SETD1B: variants seen among roughly 807,000 people sequenced by gnomAD.
SETD1B encodes SET domain containing 1B, histone lysine methyltransferase.
Under a neutral mutation model 148.0 loss-of-function variants are expected in SETD1B, and 7 were observed. The observed-to-expected ratio is 0.05, with a 90% confidence interval of 0.03 to 0.09. The LOEUF (loss-of-function observed/expected upper bound fraction) is 0.09. Among genes scored for constraint, SETD1B ranks in the 10% least tolerant of loss-of-function variants. SETD1B has a pLI of 1.00. For missense variants in SETD1B, 2,155 were observed against 2,729.9 expected, an observed-to-expected ratio of 0.79 and a Z score of 4.69; for synonymous variants, 1,361 against 1,186.5, an observed-to-expected ratio of 1.15 and a Z score of -3.02.
intron 10 of SETD1B, among the ~76,000 whole-genome samples, chr12:121,818,434 G>T (rs1876403509): frequency 6.6e-6 from 1 of 151,812 alleles, no homozygotes. Context: ...GTGGTGGTGG[G>T]CACCTGTAAT....
In SETD1B at chr12:121,830,889, A is replaced by G. The variant is rs1877063391; in HGVS notation, c.*650A>G. 6.6e-6 allele frequency: 1 copy of G among 152,482 alleles called. No homozygotes were observed. Among genetic ancestry groups the G allele is most frequent in the Non-Finnish European group, 1.5e-5 (1 of 68,302 alleles). The allele number at this position is 152,482 out of a possible 1,614,324, so 9.4% of individuals were successfully genotyped here. A position where few individuals can be genotyped will look rare whatever the true frequency, so the allele number is the denominator to read the frequency against. The stretch of plus-strand genomic sequence containing the variant: ...CCACACCTTTCCCCACCCGAGCTGC[A>G]GCCTGTTCCTTCCCCAGAGGCCTGG... On this transcript the variant is annotated 3_prime_UTR_variant, in exon 17 of 17. Transcript: ENST00000604567. The surrounding 1 kb of genome is among the most constrained non-coding windows in gnomAD (Gnocchi z 5.7).
At position 121,814,423 on chromosome 12, in the gene SETD1B, C is replaced by T. The variant is rs1876187453; in HGVS notation, c.2208C>T (p.Val736=). 1.5e-6 allele frequency: 2 copies of T among 1,336,538 alleles called. No homozygotes were observed. The highest frequency in any genetic ancestry group is 2.6e-5 in the East Asian group (1 of 37,944). The allele number at this position is 1,336,538 out of a possible 1,614,324, so 82.8% of individuals were successfully genotyped here. The part of the protein sequence containing the change: ...PPPPLPAPPG[V]PPPPILPPLP... ...CACCCTTGCCAGCGCCGCCTGGAGT[C>T]CCGCCCCCACCCATCCTGCCACCAC... The change falls in exon 7 of 17, where the codon GTC becomes GTT. Residue 736 remains valine (V), a synonymous_variant. Coordinates refer to ENST00000604567, the MANE Select transcript of SETD1B (RefSeq NM_001353345.2).
chr12:121,810,158 G>A lies in SETD1B; in HGVS notation c.1213G>A (p.Ala405Thr), dbSNP rs1182973417. Residue 405 changes from alanine (A) to threonine (T), a missense_variant, in exon 6 of 17, where the codon GCC becomes ACC. Transcript: ENST00000604567. The surrounding 1 kb of genome is among the most constrained non-coding windows in gnomAD (Gnocchi z 7.6). ...SAFSPYQTPV[A>T]HFPPPPEEPT... ...TTTCTCTCCGTATCAGACCCCAGTG[G>A]CCCACTTCCCTCCACCCCCGGAAGA... The A allele has an allele frequency of 5.8e-6, 9 of 1,549,728 alleles. No homozygotes were observed. The Admixed American group carries it at 7.8e-5, about 14-fold the overall frequency.
At position 121,805,811 on chromosome 12, in the gene SETD1B, CCCTT is replaced by C; in HGVS notation, c.274-21_274-18del. 6.5e-7 allele frequency: 1 copy of C among 1,545,986 alleles called. No individual in the cohort carries two copies. The highest frequency in any genetic ancestry group is 8.7e-7 in the Non-Finnish European group (1 of 1,143,246). ...CTTAGGTTTAAACGTTCTTCAAACT[CCCTT>C]CCCCCTCGGCCCCTGCCAGATCGAT... On this transcript the variant is annotated intron_variant, in intron 3 of 16. Transcript: ENST00000604567. The surrounding 1 kb of genome is among the most constrained non-coding windows in gnomAD (Gnocchi z 4.2).
In SETD1B at chr12:121,810,159, C is replaced by G. The variant is rs775141237; in HGVS notation, c.1214C>G (p.Ala405Gly). Residue 405 changes from alanine (A) to glycine (G), a missense_variant, in exon 6 of 17, where the codon GCC becomes GGC. This residue lies in a region of SETD1B where 376 missense variants were observed against 385.0 expected (regional missense o/e 0.98). Transcript: ENST00000604567. The surrounding 1 kb of genome is among the most constrained non-coding windows in gnomAD (Gnocchi z 7.6). ...SAFSPYQTPV[A>G]HFPPPPEEPT... ...TTCTCTCCGTATCAGACCCCAGTGG[C>G]CCACTTCCCTCCACCCCCGGAAGAG... 3 of 1,549,948 alleles carry G rather than the reference C, an allele frequency of 1.9e-6. No individual in the cohort carries two copies. Among genetic ancestry groups the G allele is most frequent in the Middle Eastern group, 3.3e-4 (2 of 5,992 alleles).
the SETD1B span, chr12:121,794,100 G>C: frequency 5.6e-4 from 90 of 160,180 alleles, 1 homozygote; most frequent in South Asian, 0.015. Flanking sequence ...CCAGCTCCGG[G>C]AAGAGCCCCT....
At chr12:121,806,668 G>T (rs1875759513) in intron 4 of SETD1B, among the ~76,000 whole-genome samples, 1 of 152,334 alleles carries the variant, frequency 6.6e-6, no homozygotes, top group South Asian at 2.1e-4. Flanking sequence ...GGGAAGAGCA[G>T]AGCCGGGAAG....
Position 121,814,275 on chromosome 12 carries a change from TCCCCCCGCTGCCCCCCCCACCACCACCAC to T in SETD1B, c.2065_2093del (p.Pro689ThrfsTer143). ...CTGCCGCTGCCCCCGCCACCTGGCT[TCCCCCCGCTGCCCCCCCCACCACCACCAC>T]CCCCACCGCAGCCTGGCTTCCCCAT... On this transcript the variant is annotated frameshift_variant, in exon 7 of 17. Coordinates refer to ENST00000604567, the MANE Select transcript of SETD1B (RefSeq NM_001353345.2). LOFTEE classifies it high-confidence loss of function. 1.0e-6 allele frequency: 1 copy of T among 963,032 alleles called. No individual in the cohort carries two copies. Among genetic ancestry groups the T allele is most frequent in the Non-Finnish European group, 1.3e-6 (1 of 746,100 alleles). The allele number at this position is 963,032 out of a possible 1,614,324, so 59.7% of individuals were successfully genotyped here.
intron 11 of SETD1B, among the ~76,000 whole-genome samples, chr12:121,820,644 C>T (rs1266452143): frequency 1.3e-5 from 2 of 152,192 alleles, no homozygotes; most frequent in Non-Finnish European, 2.9e-5. Flanking sequence ...CGCCATTCTC[C>T]TGCCTCAGCC....
the SETD1B span, chr12:121,793,775 C>T: frequency 1.5e-6 from 1 of 670,734 alleles, no homozygotes; most frequent in Non-Finnish European, 2.3e-6. Context: ...GACCTCCCAG[C>T]CTCAGTTTCC....
chr12:121,795,047 G>C, the SETD1B span, among the ~76,000 whole-genome samples: 3 of 152,168 alleles, frequency 2.0e-5, no homozygotes, highest in Non-Finnish European at 2.9e-5. Context: ...CCGCCAACCT[G>C]GCAGTTCCAT....
rs1181374759 is a variant in SETD1B at position 121,805,201 on chromosome 12, G to C, written c.258G>C (p.Ser86=). Residue 86 remains serine, a synonymous_variant, in exon 3 of 17, where the codon TCG becomes TCC. Transcript: ENST00000604567. This position sits in a 1 kb window ranked among gnomAD's most constrained non-coding sequence, Gnocchi z 4.2. Reference sequence around the variant, plus strand: ...CCAAAAACAAGGAGCTGGAGCTGTCGGTGCCCAAATTCAAGGTAGGACCCC... The same window carrying C: ...CCAAAAACAAGGAGCTGGAGCTGTCCGTGCCCAAATTCAAGGTAGGACCCC... ...IWTKNKELEL[S]VPKFKIDEFY... The C allele has an allele frequency of 1.3e-6, 2 of 1,550,866 alleles. No individual in the cohort carries two copies. Among genetic ancestry groups the C allele is most frequent in the East Asian group, 4.9e-5 (2 of 40,906 alleles).
the SETD1B span, chr12:121,793,887 C>T: frequency 2.7e-6 from 1 of 370,678 alleles, no homozygotes; most frequent in Non-Finnish European, 4.8e-6. Context: ...AAAGCTCCCA[C>T]CCCCAACCCA....
Position 121,823,355 on chromosome 12 carries a change from AC to A in SETD1B, c.4781del (p.Pro1594HisfsTer6). ...CACCCCTTCCCCCCCAGCCACCCCC[AC>A]CCCCACCTCCCCCACCTGTAGAGCC... ...PPPLPPQPPP[P>X]PPPPPVEPTK... On this transcript the variant is annotated frameshift_variant, in exon 12 of 17. Transcript: ENST00000604567. LOFTEE classifies it high-confidence loss of function. 5.3e-6 allele frequency: 1 copy of A among 188,466 alleles called. No homozygotes were observed. The highest frequency in any genetic ancestry group is 7.8e-6 in the Non-Finnish European group (1 of 127,948). The allele number at this position is 188,466 out of a possible 1,614,324, so 11.7% of individuals were successfully genotyped here. A position where few individuals can be genotyped will look rare whatever the true frequency, so the allele number is the denominator to read the frequency against.
In SETD1B at chr12:121,814,803, G is replaced by A; in HGVS notation, c.2588G>A (p.Gly863Asp). ...GACCCACACAAAGCCACGGTGGATG[G>A]CGTCCTGCTGGTGGTCCTCAAAGAA... ...QEDPHKATVD[G>D]VLLVVLKELK... Residue 863 changes from glycine (G) to aspartate (D), a missense_variant, in exon 7 of 17, where the codon GGC becomes GAC. Physicochemically the swap from Gly to Asp is moderately conservative, Grantham distance 94. This residue lies in a region of SETD1B where 289 missense variants were observed against 423.7 expected (regional missense o/e 0.68). Coordinates refer to ENST00000604567, the MANE Select transcript of SETD1B (RefSeq NM_001353345.2). 1.3e-6 allele frequency: 2 copies of A among 1,551,578 alleles called. No individual in the cohort carries two copies. Among genetic ancestry groups the A allele is most frequent in the Non-Finnish European group, 1.7e-6 (2 of 1,147,006 alleles).
At position 121,827,870 on chromosome 12, in the gene SETD1B, C is replaced by G; in HGVS notation, c.5589+16C>G. The G allele has an allele frequency of 6.4e-7, 1 of 1,554,406 alleles. No individual in the cohort carries two copies. Among genetic ancestry groups the G allele is most frequent in the Non-Finnish European group, 8.7e-7 (1 of 1,148,288 alleles). ...TATCCGTCAGGTAGGCACCGCCCGG[C>G]AGGATGGGCACCGGGGTGGGCATGG... is the stretch of plus-strand genomic sequence containing the variant. On this transcript the variant is annotated intron_variant, in intron 15 of 16. Transcript: ENST00000604567.
At chr12:121,793,953 T>G in the SETD1B span, 1 of 244,204 alleles carries the variant, frequency 4.1e-6, no homozygotes, top group Non-Finnish European at 7.8e-6. Flanking sequence ...CGATCGTGGC[T>G]GCCCAGCGAC....
rs1876643434 is a variant in SETD1B at position 121,822,999 on chromosome 12, C to G, written c.4420C>G (p.Leu1474Val). The G allele has an allele frequency of 6.5e-7, 1 of 1,529,138 alleles. No individual in the cohort carries two copies. The highest frequency in any genetic ancestry group is 8.8e-7 in the Non-Finnish European group (1 of 1,139,784). 94.7% of individuals were successfully genotyped at this position (1,529,138 alleles called of 1,614,324 possible). The change falls in exon 12 of 17, where the codon CTC becomes GTC. Residue 1474 changes from leucine (L) to valine (V), a missense_variant. Coordinates refer to ENST00000604567, the MANE Select transcript of SETD1B (RefSeq NM_001353345.2). ...SPVLLETGLP[L>V]PLPLPLPLPL... ...GGTGCTCCTGGAGACGGGCCTGCCC[C>G]TCCCTCTGCCCCTTCCCCTGCCCTT...
chr12:121,812,606 T>TGGC (rs1478632216), intron 6 of SETD1B, among the ~76,000 whole-genome samples: 5 of 152,084 alleles, frequency 3.3e-5, no homozygotes, highest in African/African-American at 9.7e-5. Context: ...TGTGATTGGC[T>TGGC]GGCGGCGGCG....
Sources: gnomAD v4.1 joint callset for allele counts (sites outside exome capture counted in the v4.1 genomes callset) on GRCh38, gnomAD v4.1.1 for gene constraint, gnomAD v4.1.1 regional missense constraint, Gnocchi (gnomAD v3.1) non-coding constraint, MANE v1.5 for transcripts, NCBI Gene and HGNC (gene_info 2026-07-23, HGNC 2026-07-21) for gene names.